Variants in LIN28B observed in about 807,000 individuals in gnomAD.
The protein encoded by LIN28B is lin-28 RNA binding posttranscriptional regulator B, also known as protein lin-28 homolog B.
In LIN28B, 5 loss-of-function variants were observed where a neutral mutation model predicts 21.9. The ratio of observed to expected loss-of-function variants is 0.23; its 90% CI spans 0.12 to 0.48. The LOEUF is 0.48. Among genes scored for constraint, LIN28B ranks in the 20% least tolerant of loss-of-function variants. The pLI is 0.98. For missense variants in LIN28B, 245 were observed against 310.5 expected (o/e 0.79, Z 1.58); for synonymous variants, 109 against 111.3 (o/e 0.98, Z 0.13).
At chr6:105,030,160 CTTG>C (rs1771389738) in intron 3 of LIN28B, among the ~76,000 whole-genome samples, 1 of 152,104 alleles carries the variant, frequency 6.6e-6, no homozygotes, top group Non-Finnish European at 1.5e-5. Context: ...CCATGTGCTG[CTTG>C]TTTTTACAAA....
intron 3 of LIN28B, among the ~76,000 whole-genome samples, chr6:105,045,057 T>G (rs1030835419): frequency 5.9e-5 from 9 of 152,140 alleles, no homozygotes; most frequent in African/African-American, 2.2e-4. Flanking sequence ...GTGAATAGTT[T>G]AACGTTAAAC....
intron 3 of LIN28B, among the ~76,000 whole-genome samples, chr6:105,048,784 A>T (rs889347669): frequency 3.3e-5 from 5 of 151,926 alleles, no homozygotes; most frequent in African/African-American, 1.2e-4. Context: ...TTTCTTCTAG[A>T]TTTTCTAGTT....
chr6:105,052,176 G>A (rs1350499077), intron 3 of LIN28B, among the ~76,000 whole-genome samples: 1 of 152,190 alleles, frequency 6.6e-6, no homozygotes, highest in East Asian at 1.9e-4. Flanking sequence ...CAGTATGACT[G>A]AGTGAATTGA....
At chr6:104,995,940 A>T (rs886159275) in intron 2 of LIN28B, among the ~76,000 whole-genome samples, 1 of 150,342 alleles carries the variant, frequency 6.7e-6, no homozygotes, top group Non-Finnish European at 1.5e-5. Context: ...AAAAATATTT[A>T]AAAATTATTT....
chr6:104,998,016 C>A (rs1489521171), intron 2 of LIN28B, among the ~76,000 whole-genome samples: 3 of 152,258 alleles, frequency 2.0e-5, no homozygotes, highest in African/African-American at 4.8e-5. Context: ...TTGTTTTAAA[C>A]CCTTTTATGC....
At chr6:105,077,581 A>G (rs1772456314) in intron 3 of LIN28B, among the ~76,000 whole-genome samples, 1 of 152,212 alleles carries the variant, frequency 6.6e-6, no homozygotes, top group Non-Finnish European at 1.5e-5. Flanking sequence ...TTCACATATT[A>G]TGGACGGATT....
chr6:104,937,274 C>T (rs962557757), intron 2 of LIN28B, among the ~76,000 whole-genome samples: 2 of 151,964 alleles, frequency 1.3e-5, no homozygotes, highest in African/African-American at 2.4e-5. Flanking sequence ...GCCGCAACCG[C>T]GGGCGCGCGC....
chr6:105,053,971 T>A (rs1188372975), intron 3 of LIN28B, among the ~76,000 whole-genome samples: 3 of 152,182 alleles, frequency 2.0e-5, no homozygotes, highest in Non-Finnish European at 2.9e-5. Context: ...CTCAAACACC[T>A]GATCTCAGGT....
At chr6:104,989,502 C>T (rs1042864005) in intron 2 of LIN28B, among the ~76,000 whole-genome samples, 1 of 149,494 alleles carries the variant, frequency 6.7e-6, no homozygotes, top group Non-Finnish European at 1.5e-5. Flanking sequence ...GGATTACAGG[C>T]GTGAGCCACC....
chr6:104,959,654 C>T (rs1366087405), intron 2 of LIN28B, among the ~76,000 whole-genome samples: 1 of 152,258 alleles, frequency 6.6e-6, no homozygotes, highest in Admixed American at 6.5e-5. Context: ...AATACAAGTC[C>T]ACATACAGAC....
rs1038968574 is a variant in LIN28B at position 104,957,720 on chromosome 6, C to G, written c.11-379C>G. Among the ~76,000 whole-genome samples the G allele has an allele frequency of 4.6e-5, 7 of 152,034 alleles. 1 individual carries two copies. The highest frequency in any genetic ancestry group is 8.8e-5 in the Non-Finnish European group (6 of 68,024). On this transcript the variant is annotated intron_variant, in intron 1 of 3. Coordinates refer to ENST00000345080, the MANE Select transcript of LIN28B (RefSeq NM_001004317.4). Reference sequence around the variant, plus strand: ...ATTTCTCTTTCCTCCTCGTGCCCGCCGGAGAGAATAGTTTCGCTGAAAATT... The same window carrying G: ...ATTTCTCTTTCCTCCTCGTGCCCGCGGGAGAGAATAGTTTCGCTGAAAATT...
upstream of LIN28B, among the ~76,000 whole-genome samples, chr6:104,953,915 GA>G (rs1257894711): frequency 1.3e-5 from 2 of 151,780 alleles, no homozygotes; most frequent in Non-Finnish European, 2.9e-5. Flanking sequence ...CCTTATAATT[GA>G]AAACAACGAC....
At chr6:104,985,898 T>C (rs1770328852) in intron 2 of LIN28B, among the ~76,000 whole-genome samples, 1 of 152,218 alleles carries the variant, frequency 6.6e-6, no homozygotes, top group South Asian at 2.1e-4. Context: ...ATTTAAAATA[T>C]GATCGTCTTT....
At chr6:104,990,996 A>G (rs1429407921) in intron 2 of LIN28B, among the ~76,000 whole-genome samples, 3 of 152,210 alleles carry the variant, frequency 2.0e-5, no homozygotes, top group Non-Finnish European at 2.9e-5. Flanking sequence ...TGATTTCTCT[A>G]TCTTTTCCCC....
At chr6:105,049,198 C>T (rs766233996) in intron 3 of LIN28B, among the ~76,000 whole-genome samples, 59 of 152,198 alleles carry the variant, frequency 3.9e-4, no homozygotes, top group Non-Finnish European at 5.9e-4. Flanking sequence ...TTTGGTTTGT[C>T]GTGTCTTTGT....
chr6:104,977,843 G>A (rs1456729245), intron 2 of LIN28B, among the ~76,000 whole-genome samples: 4 of 151,958 alleles, frequency 2.6e-5, no homozygotes, highest in Non-Finnish European at 2.9e-5. Context: ...TAGGATTACA[G>A]GCGTGAGCCA....
At chr6:104,989,686 C>T (rs1203635201) in intron 2 of LIN28B, among the ~76,000 whole-genome samples, 1 of 112,130 alleles carries the variant, frequency 8.9e-6, no homozygotes, top group African/African-American at 2.6e-5. Context: ...CTCTGCCTCG[C>T]AGTCTCAAGC....
chr6:105,048,899 T>G (rs1357468836), intron 3 of LIN28B, among the ~76,000 whole-genome samples: 1 of 152,206 alleles, frequency 6.6e-6, no homozygotes, highest in African/African-American at 2.4e-5. Flanking sequence ...TATTTGATTC[T>G]TCTCTCTTTT....
At chr6:105,042,218 G>A (rs1022738865) in intron 3 of LIN28B, among the ~76,000 whole-genome samples, 22 of 152,134 alleles carry the variant, frequency 1.4e-4, no homozygotes, top group African/African-American at 5.3e-4. Context: ...CACTGAATTG[G>A]GGGAAGGGGG....
Sources: allele counts gnomAD v4.1 joint callset (sites outside exome capture counted in the v4.1 genomes callset), GRCh38; gene constraint gnomAD v4.1.1; transcripts MANE v1.5; gene names NCBI Gene and HGNC (gene_info 2026-07-23, HGNC 2026-07-21).